Variants in CDK19 observed in about 807,000 individuals in gnomAD.
CDK19 encodes the protein cyclin-dependent kinase 19.
A neutral mutation model predicts 68.3 loss-of-function variants in CDK19; 20 were observed. The ratio of observed to expected loss-of-function variants is 0.29; its 90% confidence interval spans 0.21 to 0.43. The LOEUF is 0.43. Ranked by LOEUF, CDK19 falls within the 20% of genes least tolerant of loss-of-function variation. The pLI is 1.00. For missense variants in CDK19, 339 were observed against 623.5 expected (o/e 0.54, Z 4.86); for synonymous variants, 221 against 222.8 (o/e 0.99, Z 0.07).
At chr6:110,646,063 G>T in intron 4 of CDK19, 1 of 874,726 alleles carries the variant, frequency 1.1e-6, no homozygotes, top group Non-Finnish European at 1.8e-6. Flanking sequence ...TTGTTGCCAG[G>T]CATGGGCGAC....
At chr6:110,653,514 A>G (rs1383042410) in intron 4 of CDK19, among the ~76,000 whole-genome samples, 14 of 152,214 alleles carry the variant, frequency 9.2e-5, no homozygotes, top group African/African-American at 3.4e-4. Flanking sequence ...CTTACTGTGA[A>G]CACAAAATGC....
At chr6:110,635,147 C>A (rs922556373) in intron 5 of CDK19, among the ~76,000 whole-genome samples, 5 of 152,046 alleles carry the variant, frequency 3.3e-5, no homozygotes, top group African/African-American at 1.2e-4. Context: ...AAATGAAAAG[C>A]AGCAACAAAC....
At chr6:110,788,116 AGGT>A (rs1185453214) in intron 1 of CDK19, among the ~76,000 whole-genome samples, 9 of 151,436 alleles carry the variant, frequency 5.9e-5, no homozygotes, top group Non-Finnish European at 1.2e-4. Context: ...CTGGGATTAC[AGGT>A]GTGAGCCACC....
chr6:110,621,025 T>C lies in CDK19; in HGVS notation c.1377+79A>G, dbSNP rs545696103. 7.7e-6 allele frequency: 10 copies of C among 1,298,412 alleles called. No homozygotes were observed. Among genetic ancestry groups the C allele is most frequent in the Non-Finnish European group, 9.6e-6 (9 of 936,656 alleles). 80.4% of individuals were successfully genotyped at this position (1,298,412 alleles called of 1,614,324 possible). On this transcript the variant is annotated intron_variant, in intron 12 of 12. Coordinates refer to ENST00000368911, the MANE Select transcript of CDK19 (RefSeq NM_015076.5). This position sits in a 1 kb window ranked among gnomAD's most constrained non-coding sequence, Gnocchi z 5.4. ...ACAGTCAAATGTAAGAGTTAAGTGT[T>C]ACTTAACTCTAAAAGGATCTAGGAT...
At chr6:110,733,619 T>C (rs532889782) in intron 2 of CDK19, among the ~76,000 whole-genome samples, 1 of 152,278 alleles carries the variant, frequency 6.6e-6, no homozygotes, top group East Asian at 1.9e-4. Context: ...GTCTTCTTCA[T>C]TTTAGCCATT....
intron 4 of CDK19, among the ~76,000 whole-genome samples, chr6:110,640,129 A>G (rs549030766): frequency 2.6e-5 from 4 of 151,006 alleles, no homozygotes; most frequent in African/African-American, 9.7e-5. Context: ...GCTGAGGCGG[A>G]AGGATTGCTT....
chr6:110,655,377 A>T (rs1781245267), intron 4 of CDK19, among the ~76,000 whole-genome samples: 1 of 151,970 alleles, frequency 6.6e-6, no homozygotes, highest in African/African-American at 2.4e-5. Flanking sequence ...AAAAAAAAAA[A>T]ATAAATAAAA....
At chr6:110,643,031 A>G (rs1476725776) in intron 4 of CDK19, among the ~76,000 whole-genome samples, 1 of 152,222 alleles carries the variant, frequency 6.6e-6, no homozygotes, top group African/African-American at 2.4e-5. Flanking sequence ...AGCAGCTGCC[A>G]ATAATGCACT....
At chr6:110,651,232 A>ACTATCTATCTATCTATCTATCTATCTAT (rs61558536) in intron 4 of CDK19, among the ~76,000 whole-genome samples, 3 of 149,820 alleles carry the variant, frequency 2.0e-5, no homozygotes, top group African/African-American at 7.4e-5. Flanking sequence ...AAATAGATCT[A>ACTATCTATCTATCTATCTATCTATCTAT]CTATCTATCT....
At chr6:110,645,837 C>T (rs1485478489) in intron 4 of CDK19, 1 of 619,014 alleles carries the variant, frequency 1.6e-6, no homozygotes, top group East Asian at 3.5e-5. Context: ...CGACGCGCCG[C>T]GCTTCCTCCT....
At position 110,709,481 on chromosome 6, in the gene CDK19, T is replaced by C. The variant is rs59599066; in HGVS notation, c.204+36645A>G. Among the ~76,000 whole-genome samples, 3,272 of 147,420 alleles carry C rather than the reference T, an allele frequency of 0.022. 363 individuals are homozygous for C. The East Asian group carries it at 0.36, about 16-fold the overall frequency. ...GTAACAAACCTGCACATTCTACACA[T>C]GTACTCCAGAACTTAAAGTATAATT... On this transcript the variant is annotated intron_variant, in intron 2 of 12. Coordinates refer to ENST00000368911, the MANE Select transcript of CDK19 (RefSeq NM_015076.5).
At chr6:110,663,845 A>T (rs537258713) in intron 4 of CDK19, among the ~76,000 whole-genome samples, 1 of 152,284 alleles carries the variant, frequency 6.6e-6, no homozygotes, top group East Asian at 1.9e-4. Flanking sequence ...CAAAATTTCA[A>T]ATCTTATTAG....
chr6:110,747,956 A>G (rs1778194669), intron 1 of CDK19, among the ~76,000 whole-genome samples: 1 of 152,230 alleles, frequency 6.6e-6, no homozygotes, highest in Non-Finnish European at 1.5e-5. Flanking sequence ...GAAGCTCAAC[A>G]CAATGCTTAC....
intron 4 of CDK19, among the ~76,000 whole-genome samples, chr6:110,663,599 G>A (rs1025941298): frequency 2.0e-5 from 3 of 152,154 alleles, no homozygotes; most frequent in Non-Finnish European, 2.9e-5. Flanking sequence ...TGGCACAATC[G>A]TGGCTCACTG....
intron 2 of CDK19, among the ~76,000 whole-genome samples, chr6:110,676,032 G>T (rs938473408): frequency 6.6e-6 from 1 of 152,134 alleles, no homozygotes; most frequent in Non-Finnish European, 1.5e-5. Flanking sequence ...ACCTTGTAGA[G>T]AGGATTCACC....
At chr6:110,791,362 T>C (rs983541635) in intron 1 of CDK19, among the ~76,000 whole-genome samples, 2 of 152,184 alleles carry the variant, frequency 1.3e-5, no homozygotes, top group African/African-American at 4.8e-5. Context: ...CAAGAATAAC[T>C]GCATATAATT....
At chr6:110,623,939 A>ATG (rs1314607722) in intron 8 of CDK19, among the ~76,000 whole-genome samples, 3 of 147,868 alleles carry the variant, frequency 2.0e-5, no homozygotes, top group African/African-American at 5.0e-5. Flanking sequence ...ATATATATAT[A>ATG]TGTGTGTATA....
intron 2 of CDK19, among the ~76,000 whole-genome samples, chr6:110,671,588 T>C (rs999479238): frequency 1.3e-5 from 2 of 152,178 alleles, no homozygotes; most frequent in Non-Finnish European, 2.9e-5. Flanking sequence ...AAAAATAACA[T>C]GACCAAAGTC....
Position 110,662,216 on chromosome 6 carries a change from C to T in CDK19, c.456+5218G>A, listed in dbSNP as rs528900107. 5.3e-5 allele frequency among the ~76,000 whole-genome samples: 8 copies of T among 152,234 alleles called. No individual in the cohort carries two copies. The East Asian group carries it at 9.7e-4, about 18-fold the overall frequency. On this transcript the variant is annotated intron_variant, in intron 4 of 12. Transcript: ENST00000368911. The stretch of plus-strand genomic sequence containing the variant: ...AACTCCTGACCTCAGGTGATCCACC[C>T]GCCTTGGCCTCCTGAAGTGCTGGGA...
Sources: gnomAD v4.1 joint callset for allele counts (sites outside exome capture counted in the v4.1 genomes callset) on GRCh38, gnomAD v4.1.1 for gene constraint, Gnocchi (gnomAD v3.1) non-coding constraint, MANE v1.5 for transcripts, NCBI Gene and HGNC (gene_info 2026-07-23, HGNC 2026-07-21) for gene names.